The following RSBN1 variants were observed in gnomAD, a reference collection of about 807,000 sequenced individuals.
The protein encoded by RSBN1 is round spermatid basic protein 1, also known as lysine-specific demethylase 9.
RSBN1 carries 23 observed loss-of-function variants against 74.8 expected under a neutral mutation model. The ratio of observed to expected loss-of-function variants is 0.31; its 90% CI spans 0.22 to 0.44. The LOEUF is 0.44. RSBN1 is among the 20% of genes least tolerant of loss of function. RSBN1 has a pLI of 1.00. For missense variants in RSBN1, 808 were observed against 1,020.9 expected, an observed-to-expected ratio of 0.79 and a Z score of 2.84; for synonymous variants, 407 against 379.6, an observed-to-expected ratio of 1.07 and a Z score of -0.84.
chr1:113,777,107 C>A, intron 4 of RSBN1, 103 bp downstream of exon 4: 1 of 1,031,626 alleles, frequency 9.7e-7, no homozygotes, highest in Non-Finnish European at 1.4e-6. Context: ...AAAACATTTA[C>A]TTAAGGGAGC....
intron 4 of RSBN1, among the ~76,000 whole-genome samples, chr1:113,772,510 G>GT (rs762186725): frequency 1.3e-5 from 2 of 152,048 alleles, no homozygotes; most frequent in African/African-American, 2.4e-5. Context: ...ATTTTCCATT[G>GT]TAAGTCTTGC....
Position 113,812,054 on chromosome 1 carries a change from T to G in RSBN1, c.359A>C (p.Gln120Pro). The change falls in exon 1 of 7, where the codon CAA (glutamine) becomes CCA (proline). Residue 120 changes from glutamine to proline, a missense_variant. Coordinates refer to ENST00000261441, the MANE Select transcript of RSBN1 (RefSeq NM_018364.5). ...CGTTGGCGGCAGCGGCCCAGGATGT[T>G]GGCGGCTGCGACGCCGCCGGTGAGG... ...APPHRRRRSR[Q>P]HPGPLPPTNA... The G allele has an allele frequency of 6.5e-7, 1 of 1,548,636 alleles. No homozygotes were observed. Among genetic ancestry groups the G allele is most frequent in the Middle Eastern group, 1.8e-4 (1 of 5,670 alleles).
intron 2 of RSBN1, among the ~76,000 whole-genome samples, chr1:113,787,745 G>C (rs560749629): frequency 6.6e-6 from 1 of 152,206 alleles, no homozygotes; most frequent in East Asian, 1.9e-4. Context: ...ACAAAAATGT[G>C]GTAGATTTTT....
At chr1:113,783,292 A>AG (rs1243045852) in intron 2 of RSBN1, among the ~76,000 whole-genome samples, 1 of 151,388 alleles carries the variant, frequency 6.6e-6, no homozygotes, top group Non-Finnish European at 1.5e-5. Flanking sequence ...AAAGGGGTGG[A>AG]GGGGGAGAAG....
intron 2 of RSBN1, among the ~76,000 whole-genome samples, chr1:113,795,245 C>T (rs552785531): frequency 3.3e-4 from 50 of 152,336 alleles, no homozygotes; most frequent in African/African-American, 1.1e-3. Context: ...CATCTGGACT[C>T]TTCTACTTAC....
chr1:113,788,202 T>C (rs754480767), intron 2 of RSBN1, among the ~76,000 whole-genome samples: 15 of 151,818 alleles, frequency 9.9e-5, no homozygotes, highest in Non-Finnish European at 1.6e-4. Flanking sequence ...ATGAAAAATA[T>C]AATAGGAAAG....
intron 1 of RSBN1, among the ~76,000 whole-genome samples, chr1:113,799,436 G>A (rs1660536537): frequency 6.6e-6 from 1 of 152,078 alleles, no homozygotes. Flanking sequence ...CTCTTTTGGG[G>A]AGGTAACATT....
At chr1:113,809,787 G>A (rs921783130) in intron 1 of RSBN1, among the ~76,000 whole-genome samples, 1 of 152,132 alleles carries the variant, frequency 6.6e-6, no homozygotes, top group African/African-American at 2.4e-5. Context: ...AGCCATATGT[G>A]ACTAATTATA....
Position 113,766,389 on chromosome 1 carries a change from C to A in RSBN1, c.2000G>T (p.Arg667Ile). ...GATATCATTGTCGCAAAGCTGAATT[C>A]TAGCATAACGAATGCCTTCCCGCCT... is the stretch of plus-strand genomic sequence containing the variant. ...QMRREGIRYA[R>I]IQLCDNDIYF... The change falls in exon 7 of 7, where the codon AGA (arginine) becomes ATA (isoleucine). Residue 667 changes from arginine (R) to isoleucine (I), a missense_variant. Physicochemically the swap from Arg to Ile is moderately conservative, Grantham distance 97. This residue lies in a region of RSBN1 where 38 missense variants were observed against 120.6 expected (regional missense o/e 0.32). Coordinates refer to ENST00000261441, the MANE Select transcript of RSBN1 (RefSeq NM_018364.5). 6.2e-7 allele frequency: 1 copy of A among 1,614,038 alleles called. No individual in the cohort carries two copies. The highest frequency in any genetic ancestry group is 2.2e-5 in the East Asian group (1 of 44,882).
At chr1:113,771,625 AG>A (rs1659886032) in intron 4 of RSBN1, among the ~76,000 whole-genome samples, 1 of 151,444 alleles carries the variant, frequency 6.6e-6, no homozygotes, top group Non-Finnish European at 1.5e-5. Context: ...AAAAAAAAAA[AG>A]GTTATAAAAG....
chr1:113,797,726 C>A lies in RSBN1; in HGVS notation c.1014G>T (p.Met338Ile). 6.2e-7 allele frequency: 1 copy of A among 1,614,054 alleles called. No individual in the cohort carries two copies. The highest frequency in any genetic ancestry group is 8.5e-7 in the Non-Finnish European group (1 of 1,179,982). The change falls in exon 2 of 7, where the codon ATG becomes ATT. Residue 338 changes from methionine (M) to isoleucine (I), a missense_variant. Physicochemically the swap from Met to Ile is conservative, Grantham distance 10 (BLOSUM62 1). This residue lies in a region of RSBN1 where 85 missense variants were observed against 126.2 expected (regional missense o/e 0.67). Transcript: ENST00000261441. The stretch of plus-strand genomic sequence containing the variant: ...TACGAATAGAATGTTCCTGGTGAGT[C>A]ATAAAAGGTGTTTGTACTCCCTGGG... ...RVPQGVQTPFMTHQEHSIRRN... is the reference protein window; with the variant it reads ...RVPQGVQTPFITHQEHSIRRN...
intron 4 of RSBN1, among the ~76,000 whole-genome samples, chr1:113,775,444 C>T (rs549984017): frequency 1.3e-5 from 2 of 151,974 alleles, no homozygotes; most frequent in Admixed American, 1.3e-4. Context: ...TGAGTTCAAG[C>T]GATTCTCATG....
intron 2 of RSBN1, among the ~76,000 whole-genome samples, chr1:113,785,264 CA>C (rs1660217798): frequency 6.6e-6 from 1 of 152,124 alleles, no homozygotes; most frequent in African/African-American, 2.4e-5. Context: ...GAAAAGTCTT[CA>C]GGGGCAATAA....
At chr1:113,783,751 A>C (rs1238811544) in intron 2 of RSBN1, among the ~76,000 whole-genome samples, 1 of 152,198 alleles carries the variant, frequency 6.6e-6, no homozygotes, top group Non-Finnish European at 1.5e-5. Context: ...GTAAAGAGCT[A>C]GTCTCAATCA....
chr1:113,794,171 C>T (rs888382178), intron 2 of RSBN1, among the ~76,000 whole-genome samples: 1 of 152,058 alleles, frequency 6.6e-6, no homozygotes, highest in Non-Finnish European at 1.5e-5. Context: ...AAATCTCAAC[C>T]TTCTAATTAT....
At chr1:113,779,838 T>C (rs1660102012) in intron 2 of RSBN1, among the ~76,000 whole-genome samples, 1 of 149,582 alleles carries the variant, frequency 6.7e-6, no homozygotes, top group Admixed American at 6.6e-5. Context: ...CTGGCCGAGA[T>C]GGTGAAATCC....
In RSBN1 at chr1:113,812,326, A is replaced by T; in HGVS notation, c.87T>A (p.Leu29=). The change falls in exon 1 of 7, where the codon CTT becomes CTA. Residue 29 remains leucine (L), a synonymous_variant. Transcript: ENST00000261441. The stretch of plus-strand genomic sequence containing the variant: ...CCGCCCCCCCGTCCGCGCATCGCGC[A>T]AGCGCCGCCCGCGCACTGCCCGCTG... ...QCPAGSARAA[L]ARCADGGAVG... 3 of 1,603,772 alleles carry T rather than the reference A, an allele frequency of 1.9e-6. No individual in the cohort carries two copies. The highest frequency in any genetic ancestry group is 2.5e-6 in the Non-Finnish European group (3 of 1,179,694).
rs773954761 is a variant in RSBN1, at chr1:113,767,088, TAA to T, written c.1935+9_1935+10del. 1.3e-6 allele frequency: 2 copies of T among 1,482,322 alleles called. No individual in the cohort carries two copies. Among genetic ancestry groups the T allele is most frequent in the Admixed American group, 1.8e-5 (1 of 55,658 alleles). The allele number at this position is 1,482,322 out of a possible 1,614,324, so 91.8% of individuals were successfully genotyped here. A position where few individuals can be genotyped will look rare whatever the true frequency, so the allele number is the denominator to read the frequency against. ...TAATATCGCAAATGGTGATAAAACA[TAA>T]GTTATTACCTGGGAAACTGGAGGTT... On this transcript the variant is annotated intron_variant, in intron 6 of 6. Transcript: ENST00000261441.
chr1:113,787,618 G>A (rs768653543), intron 2 of RSBN1, among the ~76,000 whole-genome samples: 8 of 152,110 alleles, frequency 5.3e-5, no homozygotes, highest in Non-Finnish European at 7.4e-5. Flanking sequence ...AAGCAAGGGA[G>A]AGAACCATTA....
Sources: gnomAD v4.1 joint callset for allele counts (sites outside exome capture counted in the v4.1 genomes callset) on GRCh38, gnomAD v4.1.1 for gene constraint, gnomAD v4.1.1 regional missense constraint, MANE v1.5 for transcripts, NCBI Gene and HGNC (gene_info 2026-07-23, HGNC 2026-07-21) for gene names.